The following SLC9A9 variants were observed in gnomAD, a reference collection of about 807,000 sequenced individuals.
The protein encoded by SLC9A9 is sodium/hydrogen exchanger 9.
SLC9A9 carries 62 observed loss-of-function variants against 77.8 expected under a neutral mutation model. The ratio of observed to expected loss-of-function variants is 0.80; its 90% confidence interval spans 0.65 to 0.98. The LOEUF (loss-of-function observed/expected upper bound fraction) is 0.98. Ranked by LOEUF, SLC9A9 falls within the 50% of genes least tolerant of loss-of-function variation. SLC9A9 has a pLI of 0.00. For synonymous variants in SLC9A9, 320 were observed against 283.5 expected (o/e 1.13, Z -1.29); for missense variants, 775 against 774.9 (o/e 1.00, Z 0.00).
Position 143,363,493 on chromosome 3 carries a change from A to G in SLC9A9, c.1595T>C (p.Phe532Ser). Reference protein sequence around the residue: ...SARLFRMWYSFDHKYLKPILT... With the variant: ...SARLFRMWYSSDHKYLKPILT... ...TATTATCAAAGGATACTTGTGGTCAAAGCTATACCACATTCTGAAGAGCCG... is the reference window on the plus strand; with the variant it reads ...TATTATCAAAGGATACTTGTGGTCAGAGCTATACCACATTCTGAAGAGCCG... Residue 532 changes from phenylalanine (F) to serine (S), a missense_variant, in exon 14 of 16, where the codon TTT becomes TCT. By Grantham distance (155) the Phe-to-Ser change is radical. Transcript: ENST00000316549. 6.2e-7 allele frequency: 1 copy of G among 1,612,982 alleles called. No homozygotes were observed. The highest frequency in any genetic ancestry group is 8.5e-7 in the Non-Finnish European group (1 of 1,179,198).
rs373783900 is a variant in SLC9A9, at chr3:143,734,730, C to T, written c.534-41423G>A. Among the ~76,000 whole-genome samples, 19 of 121,796 alleles carry T rather than the reference C, an allele frequency of 1.6e-4. No homozygotes were observed. In the East Asian group the frequency reaches 3.4e-3, roughly 22 times the overall value. 79.9% of individuals were successfully genotyped at this position (121,796 alleles called of 152,430 possible). ...GCCTGGCAACAGAGCAAGACTCCAT[C>T]TCAAAAAAAAAAAAAAAAAAAAGAT... On this transcript the variant is annotated intron_variant, in intron 4 of 15. Coordinates refer to ENST00000316549, the MANE Select transcript of SLC9A9 (RefSeq NM_173653.4).
At chr3:143,413,827 T>C (rs1035559993) in intron 12 of SLC9A9, among the ~76,000 whole-genome samples, 3 of 152,114 alleles carry the variant, frequency 2.0e-5, no homozygotes, top group African/African-American at 7.2e-5. Context: ...CGCATGCATG[T>C]ACATGCATGT....
chr3:143,474,659 C>T (rs2035438153), intron 11 of SLC9A9, among the ~76,000 whole-genome samples: 1 of 151,752 alleles, frequency 6.6e-6, no homozygotes, highest in South Asian at 2.1e-4. Context: ...TCTGAGCTGC[C>T]TATTAGTCTT....
At chr3:143,752,551 C>A (rs6795434) in intron 4 of SLC9A9, among the ~76,000 whole-genome samples, 3,905 of 152,144 alleles carry the variant, frequency 0.026, 193 homozygotes, top group African/African-American at 0.088. Flanking sequence ...AGGAGTATGG[C>A]GGCAACTTAA....
At chr3:143,637,119 G>A (rs868726561) in intron 6 of SLC9A9, among the ~76,000 whole-genome samples, 8 of 152,194 alleles carry the variant, frequency 5.3e-5, no homozygotes, top group African/African-American at 1.9e-4. Context: ...GCTCTCTAGT[G>A]ATGGATCTTA....
At chr3:143,442,759 A>G (rs958598786) in intron 12 of SLC9A9, among the ~76,000 whole-genome samples, 9 of 152,330 alleles carry the variant, frequency 5.9e-5, no homozygotes, top group African/African-American at 1.9e-4. Context: ...TGTTGCAAGT[A>G]AGCGTTATTA....
At chr3:143,530,726 A>G (rs532479923) in intron 9 of SLC9A9, among the ~76,000 whole-genome samples, 1 of 152,152 alleles carries the variant, frequency 6.6e-6, no homozygotes, top group African/African-American at 2.4e-5. Flanking sequence ...GAAAAAGGAG[A>G]CAAAATCAGA....
chr3:143,381,914 A>G, intron 13 of SLC9A9, 146 bp downstream of exon 13: 3 of 934,028 alleles, frequency 3.2e-6, no homozygotes, highest in Non-Finnish European at 5.2e-6. Flanking sequence ...ATTCCCTTGT[A>G]TTTTATTGTA....
chr3:143,579,302 TC>T (rs1274397644), intron 6 of SLC9A9, among the ~76,000 whole-genome samples: 2 of 152,164 alleles, frequency 1.3e-5, no homozygotes, highest in African/African-American at 4.8e-5. Context: ...ACCCTCATTT[TC>T]CCACCAAAAC....
intron 4 of SLC9A9, among the ~76,000 whole-genome samples, chr3:143,716,670 T>C (rs1934361115): frequency 6.6e-6 from 1 of 152,094 alleles, no homozygotes; most frequent in Non-Finnish European, 1.5e-5. Flanking sequence ...GGGTTACCAG[T>C]TCAAAAGATG....
chr3:143,709,501 G>A (rs1576674199), intron 4 of SLC9A9, among the ~76,000 whole-genome samples: 4 of 152,052 alleles, frequency 2.6e-5, no homozygotes, highest in African/African-American at 9.7e-5. Flanking sequence ...TATGAAACTC[G>A]AAATGAGGGT....
intron 12 of SLC9A9, among the ~76,000 whole-genome samples, chr3:143,458,774 A>G (rs183024858): frequency 4.5e-4 from 68 of 152,230 alleles, no homozygotes; most frequent in South Asian, 1.0e-3. Context: ...TCCTTCAATA[A>G]CCATACATAT....
chr3:143,769,424 C>T (rs554734726), intron 4 of SLC9A9, among the ~76,000 whole-genome samples: 99 of 152,224 alleles, frequency 6.5e-4, no homozygotes, highest in African/African-American at 2.3e-3. Flanking sequence ...TGAATTCAAT[C>T]GCATAACCAG....
At chr3:143,799,847 C>T (rs979130447) in intron 2 of SLC9A9, among the ~76,000 whole-genome samples, 9 of 152,166 alleles carry the variant, frequency 5.9e-5, no homozygotes, top group Admixed American at 6.5e-5. Context: ...TAAGTCTGTA[C>T]CATTTTTAAT....
intron 14 of SLC9A9, among the ~76,000 whole-genome samples, chr3:143,271,486 A>C (rs1937897707): frequency 6.6e-6 from 1 of 152,106 alleles, no homozygotes; most frequent in Non-Finnish European, 1.5e-5. Context: ...ACTTACTTAA[A>C]AAACTGTCTG....
At chr3:143,412,338 C>A (rs749667349) in intron 12 of SLC9A9, among the ~76,000 whole-genome samples, 14 of 151,984 alleles carry the variant, frequency 9.2e-5, no homozygotes. Context: ...TCTCTGGCAG[C>A]CATCTTCTCA....
At position 143,832,022 on chromosome 3, in the gene SLC9A9, T is replaced by C. The variant is rs1221547519; in HGVS notation, c.375A>G (p.Glu125=). ...TAATACCAGACAGGATCCTTACCTT[T>C]TCAAGTATAGCATTTCCTTGATGAG... ...INPHQGNAIL[E]KMTFDPEIFF... is the part of the protein sequence containing the mutation. Residue 125 remains glutamate, a synonymous_variant, in exon 2 of 16, where the codon GAA becomes GAG. Transcript: ENST00000316549. 6.2e-7 allele frequency: 1 copy of C among 1,610,288 alleles called. No individual in the cohort carries two copies. The highest frequency in any genetic ancestry group is 1.7e-5 in the Admixed American group (1 of 59,874).
chr3:143,690,674 C>T (rs1333238528), intron 5 of SLC9A9, among the ~76,000 whole-genome samples: 1 of 152,112 alleles, frequency 6.6e-6, no homozygotes, highest in Non-Finnish European at 1.5e-5. Flanking sequence ...AACGTATCAT[C>T]TATGTAAAAA....
intron 5 of SLC9A9, among the ~76,000 whole-genome samples, chr3:143,689,401 T>G (rs9809271): frequency 0.33 from 49,836 of 151,730 alleles, 8,893 homozygotes; most frequent in East Asian, 0.4. Context: ...GAAAGATGAT[T>G]ATTATTATTT....
Sources: gnomAD v4.1 joint callset for allele counts (sites outside exome capture counted in the v4.1 genomes callset) on GRCh38, gnomAD v4.1.1 for gene constraint, MANE v1.5 for transcripts, NCBI Gene and HGNC (gene_info 2026-07-23, HGNC 2026-07-21) for gene names.